Variants in EYS observed in about 807,000 individuals in gnomAD.
The protein encoded by EYS is protein eyes shut homolog.
Under a neutral mutation model 282.1 loss-of-function variants are expected in EYS, and 250 were observed. That is an observed-to-expected ratio of 0.89 (90% CI 0.80 to 0.98). The LOEUF is 0.98. Among genes scored for constraint, EYS ranks in the 50% least tolerant of loss-of-function variants. The pLI, the probability that EYS is intolerant of heterozygous loss-of-function variation, is 0.00. For synonymous variants in EYS, 1,355 were observed against 1,282.9 expected, an observed-to-expected ratio of 1.06 and a Z score of -1.20; for missense variants, 4,016 against 3,709.0, an observed-to-expected ratio of 1.08 and a Z score of -2.15.
intron 12 of EYS, among the ~76,000 whole-genome samples, chr6:65,198,763 T>C (rs1305401251): frequency 1.3e-5 from 2 of 152,158 alleles, no homozygotes; most frequent in African/African-American, 4.8e-5. Flanking sequence ...TGGAAAGCTA[T>C]TAATCCAAAA....
At chr6:65,028,300 A>G (rs897144052) in intron 13 of EYS, among the ~76,000 whole-genome samples, 1 of 151,860 alleles carries the variant, frequency 6.6e-6, no homozygotes, top group African/African-American at 2.4e-5. Flanking sequence ...TCACTTATCT[A>G]TATTATATGC....
intron 10 of EYS, among the ~76,000 whole-genome samples, chr6:65,341,188 G>A (rs1444608064): frequency 1.3e-5 from 2 of 151,008 alleles, no homozygotes; most frequent in Non-Finnish European, 3.0e-5. Context: ...ACATCACTCT[G>A]GTGTTCCTTT....
intron 2 of EYS, among the ~76,000 whole-genome samples, chr6:65,533,321 T>G (rs1767849711): frequency 6.6e-6 from 1 of 152,034 alleles, no homozygotes; most frequent in Non-Finnish European, 1.5e-5. Flanking sequence ...TAACAGGTTC[T>G]GAAATTGAGG....
intron 22 of EYS, among the ~76,000 whole-genome samples, chr6:64,779,369 C>CA (rs1773786753): frequency 2.6e-5 from 4 of 151,860 alleles, no homozygotes; most frequent in African/African-American, 9.7e-5. Flanking sequence ...ACCCATATGG[C>CA]TAAGTGAGGA....
At chr6:64,867,363 A>G (rs1050250243) in intron 19 of EYS, among the ~76,000 whole-genome samples, 1 of 151,730 alleles carries the variant, frequency 6.6e-6, no homozygotes, top group Non-Finnish European at 1.5e-5. Flanking sequence ...TCTCAAGTGT[A>G]AGGTGGAAAT....
At chr6:65,296,830 C>A (rs949692974) in intron 11 of EYS, among the ~76,000 whole-genome samples, 2 of 151,574 alleles carry the variant, frequency 1.3e-5, no homozygotes, top group Non-Finnish European at 2.9e-5. Context: ...TAAGTGAAGA[C>A]AATTGTGAAA....
At chr6:64,912,355 G>A (rs1018418476) in intron 16 of EYS, 129 bp downstream of exon 16, 1 of 693,526 alleles carries the variant, frequency 1.4e-6, no homozygotes, top group African/African-American at 1.8e-5. Context: ...AAGTTAGATA[G>A]TCCCCTACCC....
intron 28 of EYS, among the ~76,000 whole-genome samples, chr6:64,403,611 C>A (rs1242773261): frequency 6.6e-6 from 1 of 152,180 alleles, no homozygotes; most frequent in Non-Finnish European, 1.5e-5. Context: ...CCTGCCTCAG[C>A]TTCCCAAAGT....
chr6:65,526,366 C>T (rs1269216719), intron 2 of EYS, among the ~76,000 whole-genome samples: 1 of 152,162 alleles, frequency 6.6e-6, no homozygotes, highest in Non-Finnish European at 1.5e-5. Context: ...GTCCTTTGGT[C>T]CGAAATATCT....
intron 29 of EYS, among the ~76,000 whole-genome samples, chr6:64,376,178 C>A (rs937975408): frequency 1.1e-4 from 17 of 152,244 alleles, no homozygotes; most frequent in Non-Finnish European, 2.5e-4. Flanking sequence ...AGAATAGACA[C>A]AAATCTACAG....
intron 14 of EYS, among the ~76,000 whole-genome samples, chr6:64,972,465 A>T (rs1583346915): frequency 6.6e-6 from 1 of 152,148 alleles, no homozygotes; most frequent in Non-Finnish European, 1.5e-5. Flanking sequence ...CTCCTGAGAC[A>T]GCAAAGCCAA....
intron 35 of EYS, among the ~76,000 whole-genome samples, chr6:63,893,529 G>A (rs1773459963): frequency 6.6e-6 from 1 of 152,096 alleles, no homozygotes; most frequent in Admixed American, 6.5e-5. Context: ...TGAACAATGA[G>A]GACATATGAG....
intron 12 of EYS, among the ~76,000 whole-genome samples, chr6:65,070,857 C>T (rs886429635): frequency 2.0e-5 from 3 of 151,592 alleles, no homozygotes; most frequent in African/African-American, 4.8e-5. Context: ...ACTCTATGCC[C>T]GGCACTATTC....
At chr6:63,825,922 A>G (rs1771447434) in intron 36 of EYS, among the ~76,000 whole-genome samples, 1 of 152,234 alleles carries the variant, frequency 6.6e-6, no homozygotes, top group Non-Finnish European at 1.5e-5. Context: ...AAAAGAATTC[A>G]GGAGGTTAGT....
intron 39 of EYS, among the ~76,000 whole-genome samples, chr6:63,783,427 C>A (rs189497678): frequency 3.9e-5 from 6 of 152,260 alleles, no homozygotes; most frequent in East Asian, 1.9e-4. Flanking sequence ...GTAAGAGAGT[C>A]TGGGAAAGAT....
intron 26 of EYS, among the ~76,000 whole-genome samples, chr6:64,555,788 C>T (rs1305213221): frequency 6.6e-6 from 1 of 151,818 alleles, no homozygotes; most frequent in Non-Finnish European, 1.5e-5. Context: ...TAAATTATCA[C>T]ATGTATATTG....
chr6:63,900,763 C>T (rs547705970), intron 35 of EYS, among the ~76,000 whole-genome samples: 1 of 151,946 alleles, frequency 6.6e-6, no homozygotes, highest in South Asian at 2.1e-4. Flanking sequence ...GAATGATAAG[C>T]TATACAAATA....
At chr6:64,130,205 C>T (rs1773924609) in intron 31 of EYS, among the ~76,000 whole-genome samples, 1 of 152,162 alleles carries the variant, frequency 6.6e-6, no homozygotes, top group Non-Finnish European at 1.5e-5. Flanking sequence ...GCACTATTCA[C>T]AATAGCAAAG....
At chr6:63,906,007 A>G (rs1477052159) in intron 35 of EYS, among the ~76,000 whole-genome samples, 1 of 152,230 alleles carries the variant, frequency 6.6e-6, no homozygotes, top group Non-Finnish European at 1.5e-5. Context: ...GCTCATTTGA[A>G]TGTCTGCTCT....
Sources: gnomAD v4.1 joint callset for allele counts (sites outside exome capture counted in the v4.1 genomes callset) on GRCh38, gnomAD v4.1.1 for gene constraint, MANE v1.5 for transcripts, NCBI Gene and HGNC (gene_info 2026-07-23, HGNC 2026-07-21) for gene names.